Variants in TNRC6C observed in about 807,000 individuals in gnomAD.
TNRC6C encodes trinucleotide repeat containing adaptor 6C.
TNRC6C carries 20 observed loss-of-function variants against 153.7 expected under a neutral mutation model. The observed-to-expected ratio is 0.13, with a 90% confidence interval of 0.09 to 0.19. The LOEUF is 0.19. TNRC6C is among the 10% of genes least tolerant of loss of function. The pLI is 1.00. For synonymous variants in TNRC6C, 811 were observed against 841.4 expected (o/e 0.96, Z 0.63); for missense variants, 1,987 against 2,172.0 (o/e 0.91, Z 1.69).
rs554816205 is a variant in TNRC6C at position 78,079,197 on chromosome 17, C to A, written c.3211-198C>A. On this transcript the variant is annotated intron_variant, in intron 9 of 19. Coordinates refer to ENST00000301624, the Ensembl canonical transcript of TNRC6C. This position sits in a 1 kb window ranked among gnomAD's most constrained non-coding sequence, Gnocchi z 4.3. ...CCAGGAGGCAGAGGCTACAGTGAGC[C>A]AAGACCGCGCTACTGCACTCCAGTC... is the stretch of plus-strand genomic sequence containing the variant. 6.6e-6 allele frequency among the ~76,000 whole-genome samples: 1 copy of A among 152,052 alleles called. No individual in the cohort carries two copies.
Position 78,049,694 on chromosome 17 carries a change from C to G in TNRC6C, c.632C>G (p.Ala211Gly). 6.2e-7 allele frequency: 1 copy of G among 1,607,690 alleles called. No homozygotes were observed. ...AATGGACTGCCAAACTGGGGCATGG[C>G]TGTTGGTATGGGGGCCATCATCCCG... The change falls in exon 3 of 20, where the codon GCT becomes GGT. Residue 211 changes from alanine to glycine, a missense_variant. This residue lies in a region of TNRC6C where 1,052 missense variants were observed against 1,017.0 expected (regional missense o/e 1.03). Coordinates refer to ENST00000301624, the Ensembl canonical transcript of TNRC6C. The surrounding 1 kb of genome is among the most constrained non-coding windows in gnomAD (Gnocchi z 4.1).
rs557941759 is a variant in TNRC6C at position 77,967,987 on chromosome 17, G to T, written c.-38+8719G>T. Among the ~76,000 whole-genome samples, 8 of 152,104 alleles carry T rather than the reference G, an allele frequency of 5.3e-5. No individual in the cohort carries two copies. In the East Asian group the frequency reaches 1.5e-3, roughly 29 times the overall value. ...CTCATAATTTCAGTACTCCTTTAAA[G>T]GTTACTTTATAAAAATTTGAGATGT... On this transcript the variant is annotated intron_variant, in intron 1 of 22. Coordinates refer to the TNRC6C transcript ENST00000636222.
At position 77,978,081 on chromosome 17, in the gene TNRC6C, T is replaced by C. The variant is rs572596944; in HGVS notation, c.-38+18813T>C. Among the ~76,000 whole-genome samples the C allele has an allele frequency of 4.6e-5, 7 of 152,016 alleles. No individual in the cohort carries two copies. The South Asian group carries it at 1.5e-3, about 32-fold the overall frequency. ...CAGCTAATTTTTTTTGTATTTTTAGTAGGCACGGGGTTTCACCATGTTAGC... is the reference window on the plus strand; with the variant it reads ...CAGCTAATTTTTTTTGTATTTTTAGCAGGCACGGGGTTTCACCATGTTAGC... On this transcript the variant is annotated intron_variant, in intron 1 of 22. Transcript: ENST00000636222.
intron 7 of TNRC6C, among the ~76,000 whole-genome samples, chr17:78,074,464 T>A (rs1340750280): frequency 1.3e-5 from 2 of 152,126 alleles, no homozygotes; most frequent in South Asian, 2.1e-4. Context: ...TGCGACAACG[T>A]GTGGTGCAAA....
intron 1 of TNRC6C, among the ~76,000 whole-genome samples, chr17:78,031,026 G>A (rs1023920563): frequency 2.6e-5 from 4 of 152,152 alleles, no homozygotes; most frequent in South Asian, 2.1e-4. Context: ...TTGAATCCGG[G>A]AGGTGGAGGT....
intron 16 of TNRC6C, among the ~76,000 whole-genome samples, chr17:78,094,127 G>A (rs2073441467): frequency 6.6e-6 from 1 of 151,948 alleles, no homozygotes; most frequent in Non-Finnish European, 1.5e-5. Flanking sequence ...TTACAGGCAT[G>A]TGTGCCACCA....
intron 3 of TNRC6C, among the ~76,000 whole-genome samples, chr17:78,059,958 A>G (rs1004327309): frequency 3.3e-5 from 5 of 152,182 alleles, no homozygotes; most frequent in Admixed American, 1.3e-4. Flanking sequence ...TCAAAACTGT[A>G]TAAGATGGTT....
At chr17:78,106,658 A>G (rs1182370895) in exon 20 of TNRC6C, 1 of 152,024 alleles carries the variant, frequency 6.6e-6, no homozygotes, top group Non-Finnish European at 1.5e-5. Flanking sequence ...CAAAAGAAAT[A>G]GATGTTTGAA....
intron 13 of TNRC6C, 71 bp from the exon 16 acceptor site, chr17:78,091,369 T>G (rs2073390634): frequency 7.1e-7 from 1 of 1,411,632 alleles, no homozygotes; most frequent in African/African-American, 1.5e-5. Context: ...CTGAAATAGC[T>G]TCTATAGGAG....
At chr17:78,092,528 C>A (rs1479120286) in intron 14 of TNRC6C, among the ~76,000 whole-genome samples, 1 of 152,152 alleles carries the variant, frequency 6.6e-6, no homozygotes, top group Non-Finnish European at 1.5e-5. Context: ...TCTTACTGGA[C>A]AAACTGAAAT....
Position 78,049,774 on chromosome 17 carries a change from G to C in TNRC6C, c.712G>C (p.Gly238Arg), listed in dbSNP as rs373024928. ...TGGATCATCAGTTTCTCAAGTCAGTGGGGGCAGTGCTGAAGGAATAAGCAA... is the reference window on the plus strand; with the variant it reads ...TGGATCATCAGTTTCTCAAGTCAGTCGGGGCAGTGCTGAAGGAATAAGCAA... Residue 238 changes from glycine to arginine, a missense_variant, in exon 3 of 20, where the codon GGG becomes CGG. Physicochemically the swap from Gly to Arg is moderately radical, Grantham distance 125. Transcript: ENST00000301624. This position sits in a 1 kb window ranked among gnomAD's most constrained non-coding sequence, Gnocchi z 4.1. 1.3e-6 allele frequency: 2 copies of C among 1,592,218 alleles called. No individual in the cohort carries two copies. The highest frequency in any genetic ancestry group is 1.3e-5 in the African/African-American group (1 of 74,568).
At chr17:78,072,906 A>G in intron 6 of TNRC6C, 131 bp from the exon 9 acceptor site, 1 of 616,116 alleles carries the variant, frequency 1.6e-6, no homozygotes, top group East Asian at 2.9e-5. Context: ...TCTAACCTCA[A>G]CAGTGAAGAA....
exon 3 of TNRC6C, chr17:78,048,909 C>G: frequency 7.9e-7 from 1 of 1,266,102 alleles, no homozygotes; most frequent in Non-Finnish European, 9.9e-7. Context: ...AGCCTACTTA[C>G]AGAAGCGAAG....
At chr17:77,971,245 C>T (rs1466150445) in intron 1 of TNRC6C, among the ~76,000 whole-genome samples, 1 of 152,188 alleles carries the variant, frequency 6.6e-6, no homozygotes, top group Non-Finnish European at 1.5e-5. Flanking sequence ...ATTTATTTCA[C>T]ACCTTGGGTG....
chr17:77,998,990 C>T (rs910400541), intron 1 of TNRC6C, among the ~76,000 whole-genome samples: 2 of 152,246 alleles, frequency 1.3e-5, no homozygotes, highest in African/African-American at 4.8e-5. Context: ...TAGGCTCTCA[C>T]TATGCTGCTT....
intron 11 of TNRC6C, among the ~76,000 whole-genome samples, chr17:78,085,037 C>T (rs896551453): frequency 3.3e-5 from 5 of 152,108 alleles, no homozygotes; most frequent in East Asian, 1.9e-4. Context: ...TCCTGCCCGC[C>T]GGAGACCACT....
At chr17:77,976,632 A>G (rs1326210007) in intron 1 of TNRC6C, among the ~76,000 whole-genome samples, 1 of 152,152 alleles carries the variant, frequency 6.6e-6, no homozygotes. Context: ...AAGTCACTTC[A>G]TATATAAAAC....
At chr17:78,076,282 C>A (rs1326508582) in intron 8 of TNRC6C, among the ~76,000 whole-genome samples, 5 of 151,532 alleles carry the variant, frequency 3.3e-5, no homozygotes, top group African/African-American at 1.2e-4. Context: ...AGAGATGGGA[C>A]TTGATCTTAT....
At chr17:78,005,220 G>A in intron 1 of TNRC6C, 141 bp downstream of exon 3, 1 of 512,648 alleles carries the variant, frequency 2.0e-6, no homozygotes, top group Non-Finnish European at 3.0e-6. Flanking sequence ...TATTCATTGT[G>A]AAATTCCTCA....
Sources: gnomAD v4.1 joint callset for allele counts (sites outside exome capture counted in the v4.1 genomes callset) on GRCh38, gnomAD v4.1.1 for gene constraint, gnomAD v4.1.1 regional missense constraint, Gnocchi (gnomAD v3.1) non-coding constraint, MANE v1.5 for transcripts, NCBI Gene and HGNC (gene_info 2026-07-23, HGNC 2026-07-21) for gene names.